The following PLCE1 variants were observed in gnomAD, a reference collection of about 807,000 sequenced individuals.
The protein encoded by PLCE1 is 1-phosphatidylinositol 4,5-bisphosphate phosphodiesterase epsilon-1.
A neutral mutation model predicts 242.8 loss-of-function variants in PLCE1; 119 were observed. The observed-to-expected ratio is 0.49, with a 90% CI of 0.42 to 0.57. The LOEUF is 0.57. Ranked by LOEUF, PLCE1 falls within the 20% of genes least tolerant of loss-of-function variation. PLCE1 has a pLI of 0.00. For synonymous variants in PLCE1, 945 were observed against 1,017.4 expected, an observed-to-expected ratio of 0.93 and a Z score of 1.35; for missense variants, 2,441 against 2,788.8, an observed-to-expected ratio of 0.88 and a Z score of 2.81.
At chr10:94,136,815 C>G (rs1043143357) in intron 3 of PLCE1, among the ~76,000 whole-genome samples, 2 of 152,186 alleles carry the variant, frequency 1.3e-5, no homozygotes, top group African/African-American at 2.4e-5. Flanking sequence ...AGGATATGCC[C>G]TTATCATAAG....
intron 4 of PLCE1, among the ~76,000 whole-genome samples, chr10:94,180,013 G>T (rs2048261764): frequency 6.6e-6 from 1 of 151,034 alleles, no homozygotes; most frequent in Non-Finnish European, 1.5e-5. Flanking sequence ...TTATTATTAT[G>T]ATCACCCCCA....
Position 94,054,815 on chromosome 10 carries a change from A to T in PLCE1, c.1206+22563A>T, listed in dbSNP as rs184158633. 6.5e-3 allele frequency among the ~76,000 whole-genome samples: 993 copies of T among 152,180 alleles called. 13 individuals carry two copies. Among genetic ancestry groups the T allele is most frequent in the African/African-American group, 0.023 (950 of 41,522 alleles). ...ATCACGAGGTCAGGAGATCGAGACCATCCTGGCTAACACCTTGAAACCCCA... is the reference window on the plus strand; with the variant it reads ...ATCACGAGGTCAGGAGATCGAGACCTTCCTGGCTAACACCTTGAAACCCCA... On this transcript the variant is annotated intron_variant, in intron 2 of 32. Transcript: ENST00000371380.
intron 4 of PLCE1, among the ~76,000 whole-genome samples, chr10:94,217,504 C>T (rs965708660): frequency 6.6e-6 from 1 of 152,158 alleles, no homozygotes. Flanking sequence ...AAAGGGGAGA[C>T]TCTGCATGAG....
intron 2 of PLCE1, among the ~76,000 whole-genome samples, chr10:94,077,501 T>C (rs536089494): frequency 2.6e-5 from 4 of 152,344 alleles, no homozygotes; most frequent in South Asian, 2.1e-4. Context: ...TCATCTCACC[T>C]GTAATCCCAG....
At chr10:94,319,219 TTAGGAAA>T (rs1342202098) in intron 29 of PLCE1, among the ~76,000 whole-genome samples, 1 of 152,174 alleles carries the variant, frequency 6.6e-6, no homozygotes, top group African/African-American at 2.4e-5. Flanking sequence ...TATGCCTTTG[TTAGGAAA>T]TTTTTGAAAT....
intron 27 of PLCE1, among the ~76,000 whole-genome samples, 160 bp from the exon 28 acceptor site, chr10:94,313,094 G>A (rs530692798): frequency 2.0e-5 from 3 of 151,952 alleles, no homozygotes; most frequent in African/African-American, 7.2e-5. Context: ...AAATGACTGA[G>A]GAAGAGGTAC....
chr10:94,291,343 C>T (rs1281905493), intron 22 of PLCE1, among the ~76,000 whole-genome samples: 2 of 152,068 alleles, frequency 1.3e-5, no homozygotes, highest in African/African-American at 2.4e-5. Context: ...ACTTCCATCT[C>T]GAAGCTTTAG....
At chr10:94,095,042 T>C (rs1248632611) in intron 2 of PLCE1, among the ~76,000 whole-genome samples, 1 of 152,084 alleles carries the variant, frequency 6.6e-6, no homozygotes. Context: ...TGCAGACCAT[T>C]TTGGCAACTG....
In PLCE1 at chr10:94,134,448, G is replaced by A. The variant is rs150684111; in HGVS notation, c.1492+1989G>A. 3.7e-3 allele frequency among the ~76,000 whole-genome samples: 569 copies of A among 152,204 alleles called. 1 individual carries two copies. Among genetic ancestry groups the A allele is most frequent in the Non-Finnish European group, 7.3e-3 (499 of 68,012 alleles). On this transcript the variant is annotated intron_variant, in intron 3 of 32. Coordinates refer to ENST00000371380, the MANE Select transcript of PLCE1 (RefSeq NM_016341.4). The stretch of plus-strand genomic sequence containing the variant: ...AAACATATTTCTTTAACAATCAGTG[G>A]AATAAAATGGATTAAAAACCCAGAT...
chr10:94,081,729 G>T (rs1484144324), intron 2 of PLCE1, among the ~76,000 whole-genome samples: 1 of 152,204 alleles, frequency 6.6e-6, no homozygotes, highest in Non-Finnish European at 1.5e-5. Flanking sequence ...TGAAGTGACT[G>T]AAGCTTAGAG....
chr10:94,310,463 C>T (rs998133221), intron 27 of PLCE1, among the ~76,000 whole-genome samples: 2 of 152,122 alleles, frequency 1.3e-5, no homozygotes, highest in Non-Finnish European at 2.9e-5. Flanking sequence ...TGCAGGTGGG[C>T]CCCAGGCATC....
chr10:94,226,831 C>CTCTTTTTTTTTTTT (rs67656949), intron 4 of PLCE1, among the ~76,000 whole-genome samples: 1 of 101,818 alleles, frequency 9.8e-6, no homozygotes, highest in African/African-American at 3.9e-5. Flanking sequence ...ACCTATAGGT[C>CTCTTTTTTTTTTTT]TTTTTTTTTT....
chr10:94,267,678 T>G (rs1259534835), intron 16 of PLCE1, among the ~76,000 whole-genome samples: 1 of 152,206 alleles, frequency 6.6e-6, no homozygotes, highest in African/African-American at 2.4e-5. Flanking sequence ...TGCCAGTTGC[T>G]GAACATTATT....
chr10:94,248,706 G>A (rs1702361390), intron 8 of PLCE1, among the ~76,000 whole-genome samples: 1 of 151,792 alleles, frequency 6.6e-6, no homozygotes, highest in South Asian at 2.1e-4. Flanking sequence ...TATTGTGAAT[G>A]TCAGTTTTTA....
intron 3 of PLCE1, among the ~76,000 whole-genome samples, chr10:94,165,529 CT>C (rs2047769536): frequency 6.6e-6 from 1 of 152,104 alleles, no homozygotes; most frequent in African/African-American, 2.4e-5. Context: ...TAGACTGGAG[CT>C]GTTCCTATTC....
chr10:94,144,819 A>G (rs780253933), intron 3 of PLCE1, among the ~76,000 whole-genome samples: 2 of 152,178 alleles, frequency 1.3e-5, no homozygotes, highest in African/African-American at 2.4e-5. Context: ...TCGGAATAAC[A>G]AGCACTAACA....
intron 13 of PLCE1, 108 bp downstream of exon 13, chr10:94,259,258 C>T (rs2051210222): frequency 6.3e-6 from 7 of 1,103,388 alleles, no homozygotes; most frequent in Non-Finnish European, 8.4e-6. Flanking sequence ...TGTGCTATTA[C>T]TGCTGTGTAG....
At chr10:94,191,459 T>G (rs2048664126) in intron 4 of PLCE1, among the ~76,000 whole-genome samples, 1 of 151,996 alleles carries the variant, frequency 6.6e-6, no homozygotes, top group African/African-American at 2.4e-5. Flanking sequence ...CTGGGCGACA[T>G]AGCGAGACCC....
At chr10:94,291,112 T>C (rs1441679942) in intron 22 of PLCE1, among the ~76,000 whole-genome samples, 1 of 152,212 alleles carries the variant, frequency 6.6e-6, no homozygotes, top group African/African-American at 2.4e-5. Flanking sequence ...TGAAGGAAGA[T>C]ACCATCATAT....
Sources: gnomAD v4.1 joint callset for allele counts (sites outside exome capture counted in the v4.1 genomes callset) on GRCh38, gnomAD v4.1.1 for gene constraint, MANE v1.5 for transcripts, NCBI Gene and HGNC (gene_info 2026-07-23, HGNC 2026-07-21) for gene names.